Variants in TMEM132E observed in about 807,000 individuals in gnomAD.
The protein encoded by TMEM132E is transmembrane protein 132E.
In TMEM132E, 49 loss-of-function variants were observed where a neutral mutation model predicts 78.5. The observed-to-expected ratio is 0.62, with a 90% CI of 0.50 to 0.79. TMEM132E has a LOEUF of 0.79. Ranked by LOEUF, TMEM132E falls within the 30% of genes least tolerant of loss-of-function variation. The pLI, the probability that TMEM132E is intolerant of heterozygous loss-of-function variation, is 0.00. For missense variants in TMEM132E, 1,403 were observed against 1,470.9 expected (o/e 0.95, Z 0.75); for synonymous variants, 715 against 670.6 (o/e 1.07, Z -1.02).
At chr17:34,631,022 C>T (rs1907330857) in intron 5 of TMEM132E, among the ~76,000 whole-genome samples, 1 of 152,208 alleles carries the variant, frequency 6.6e-6, no homozygotes, top group Admixed American at 6.5e-5. Flanking sequence ...GGGCCAGCCA[C>T]TCACTATGCC....
At chr17:34,595,008 G>A (rs1426317833) in intron 1 of TMEM132E, among the ~76,000 whole-genome samples, 1 of 152,198 alleles carries the variant, frequency 6.6e-6, no homozygotes, top group Non-Finnish European at 1.5e-5. Flanking sequence ...CAGTGTCATC[G>A]ATGCCAGGGT....
chr17:34,601,766 G>T (rs962646687), intron 1 of TMEM132E, among the ~76,000 whole-genome samples: 31 of 152,186 alleles, frequency 2.0e-4, no homozygotes, highest in African/African-American at 7.5e-4. Context: ...CCTGGCTACA[G>T]GGCTACCTCT....
chr17:34,628,026 C>G (rs149807366), intron 2 of TMEM132E, among the ~76,000 whole-genome samples: 15 of 152,082 alleles, frequency 9.9e-5, no homozygotes, highest in Non-Finnish European at 5.9e-5. Flanking sequence ...CATTTAGTGT[C>G]CAGAGGAGTG....
At chr17:34,594,067 G>T (rs1242340392) in intron 1 of TMEM132E, among the ~76,000 whole-genome samples, 41 of 152,102 alleles carry the variant, frequency 2.7e-4, no homozygotes, top group Non-Finnish European at 2.9e-5. Flanking sequence ...GCAGCCCTGT[G>T]CACTTTCACT....
intron 1 of TMEM132E, among the ~76,000 whole-genome samples, chr17:34,624,262 T>G (rs1907053576): frequency 6.6e-6 from 1 of 152,238 alleles, no homozygotes; most frequent in African/African-American, 2.4e-5. Context: ...TAACTGACAG[T>G]GGTAAAATGA....
intron 8 of TMEM132E, among the ~76,000 whole-genome samples, chr17:34,636,771 G>T (rs1597694279): frequency 6.6e-6 from 1 of 152,250 alleles, no homozygotes; most frequent in Non-Finnish European, 1.5e-5. Flanking sequence ...TGGGGAGGGG[G>T]TGTGTATTCT....
intron 1 of TMEM132E, among the ~76,000 whole-genome samples, chr17:34,612,967 G>T (rs1163413886): frequency 1.3e-5 from 2 of 152,048 alleles, no homozygotes; most frequent in African/African-American, 4.8e-5. Flanking sequence ...GCCTCTAAAT[G>T]TTAGGGGGAC....
chr17:34,581,029 C>A lies in TMEM132E; in HGVS notation c.-48C>A. 1.3e-6 allele frequency: 2 copies of A among 1,484,654 alleles called. No individual in the cohort carries two copies. Among genetic ancestry groups the A allele is most frequent in the Admixed American group, 2.1e-5 (1 of 47,906 alleles). 92.0% of individuals were successfully genotyped at this position (1,484,654 alleles called of 1,614,324 possible). ...GACCAAGCCCAGCCTGGGGCCAAGT[C>A]GTCGTCGACTGTTGCTCTCTCGGAC... On this transcript the variant is annotated 5_prime_UTR_variant, in exon 1 of 9. Transcript: ENST00000631683.
intron 1 of TMEM132E, among the ~76,000 whole-genome samples, chr17:34,606,888 G>A (rs758408): frequency 6.6e-6 from 1 of 151,986 alleles, no homozygotes; most frequent in African/African-American, 2.4e-5. Context: ...CTCTCTCTCT[G>A]CTCCTTTCCT....
At chr17:34,613,812 T>C (rs1906692655) in intron 1 of TMEM132E, among the ~76,000 whole-genome samples, 1 of 151,828 alleles carries the variant, frequency 6.6e-6, no homozygotes, top group African/African-American at 2.4e-5. Flanking sequence ...TTCTCCTCTC[T>C]GGCGTGACTG....
rs748827129 is a variant in TMEM132E, at chr17:34,626,207, T to A, written c.148T>A (p.Ser50Thr). Residue 50 changes from serine to threonine, a missense_variant, in exon 2 of 9, where the codon TCG becomes ACG. Ser to Thr is a moderately conservative substitution (Grantham distance 58, BLOSUM62 1). This residue lies in a region of TMEM132E where 511 missense variants were observed against 499.0 expected (regional missense o/e 1.02). Transcript: ENST00000631683. ...SPVLPVSYRL[S>T]HTRLAFFLRE... ...GGTGCTGCCAGTCAGCTACCGCCTG[T>A]CGCACACGCGGCTGGCCTTCTTCCT... is the stretch of plus-strand genomic sequence containing the variant. 2 of 1,575,724 alleles carry A rather than the reference T, an allele frequency of 1.3e-6. No individual in the cohort carries two copies. The highest frequency in any genetic ancestry group is 1.7e-6 in the Non-Finnish European group (2 of 1,161,106).
chr17:34,595,592 G>A (rs887036342), intron 1 of TMEM132E, among the ~76,000 whole-genome samples: 8 of 152,176 alleles, frequency 5.3e-5, no homozygotes, highest in African/African-American at 1.9e-4. Flanking sequence ...ATGGGACAAG[G>A]GCTGGCAGGG....
intron 7 of TMEM132E, among the ~76,000 whole-genome samples, 181 bp downstream of exon 7, chr17:34,635,268 C>T (rs1169915099): frequency 6.6e-6 from 1 of 152,142 alleles, no homozygotes; most frequent in East Asian, 1.9e-4. Flanking sequence ...GTTCTCACTC[C>T]AAGTTGTATC....
chr17:34,619,099 A>G (rs985865285), intron 1 of TMEM132E, among the ~76,000 whole-genome samples: 3 of 152,242 alleles, frequency 2.0e-5, no homozygotes, highest in African/African-American at 7.2e-5. Flanking sequence ...GTTGCTGGGC[A>G]GAGCCTATTT....
chr17:34,582,704 G>T (rs952693822), intron 1 of TMEM132E, among the ~76,000 whole-genome samples: 1 of 152,108 alleles, frequency 6.6e-6, no homozygotes, highest in South Asian at 2.1e-4. Context: ...AGGGAGGTGG[G>T]CTGCCTGTCT....
At chr17:34,587,843 G>A (rs1327616214) in intron 1 of TMEM132E, among the ~76,000 whole-genome samples, 1 of 152,222 alleles carries the variant, frequency 6.6e-6, no homozygotes, top group Non-Finnish European at 1.5e-5. Flanking sequence ...CTATGTGAAG[G>A]CAGCACTGTG....
chr17:34,621,795 G>A (rs759222406), intron 1 of TMEM132E, among the ~76,000 whole-genome samples: 12 of 151,750 alleles, frequency 7.9e-5, no homozygotes, highest in African/African-American at 1.5e-4. Flanking sequence ...CTGTGGAAGT[G>A]GGGGGCGGGC....
At position 34,637,539 on chromosome 17, in the gene TMEM132E, G is replaced by T. The variant is rs568871948; in HGVS notation, c.2532G>T (p.Pro844=). ...AGGACGAGGCCCGGGGAGCTGGCCCGCCGGGCTCTGCGCTACCCGCACCGG... is the reference window on the plus strand; with the variant it reads ...AGGACGAGGCCCGGGGAGCTGGCCCTCCGGGCTCTGCGCTACCCGCACCGG... ...GGEDEARGAG[P]PGSALPAPEA... The change falls in exon 9 of 9, where the codon CCG becomes CCT. Residue 844 remains proline, a synonymous_variant. Transcript: ENST00000631683. 1 of 1,596,836 alleles carries T rather than the reference G, an allele frequency of 6.3e-7. No homozygotes were observed.
At chr17:34,614,170 T>TA (rs1248694710) in intron 1 of TMEM132E, among the ~76,000 whole-genome samples, 1 of 152,134 alleles carries the variant, frequency 6.6e-6, no homozygotes, top group Non-Finnish European at 1.5e-5. Flanking sequence ...AGCCGGGTGG[T>TA]AGGGAGTATC....
Sources: gnomAD v4.1 joint callset for allele counts (sites outside exome capture counted in the v4.1 genomes callset) on GRCh38, gnomAD v4.1.1 for gene constraint, gnomAD v4.1.1 regional missense constraint, MANE v1.5 for transcripts, NCBI Gene and HGNC (gene_info 2026-07-23, HGNC 2026-07-21) for gene names.